CNTN4: variants seen among roughly 807,000 people sequenced by gnomAD.
CNTN4 encodes contactin 4, also known as contactin-4.
A neutral mutation model predicts 122.5 loss-of-function variants in CNTN4; 77 were observed. The ratio of observed to expected loss-of-function variants is 0.63; its 90% CI spans 0.52 to 0.76. The LOEUF (loss-of-function observed/expected upper bound fraction) is 0.76, where lower values mean the gene tolerates loss of function less well. Ranked by LOEUF, CNTN4 falls within the 30% of genes least tolerant of loss-of-function variation. The pLI is 0.00. For missense variants in CNTN4, 1,256 were observed against 1,259.1 expected (o/e 1.00, Z 0.04); for synonymous variants, 512 against 447.0 (o/e 1.15, Z -1.83).
chr3:2,644,994 A>G (rs1249894830), intron 4 of CNTN4, among the ~76,000 whole-genome samples: 2 of 151,606 alleles, frequency 1.3e-5, no homozygotes, highest in Non-Finnish European at 1.5e-5. Flanking sequence ...AAGAAAAAAA[A>G]TTTAAAGATG....
At chr3:2,573,482 TAGAGTTTTAACTTCTCATA>T (rs1330251329) in intron 4 of CNTN4, among the ~76,000 whole-genome samples, 1 of 152,208 alleles carries the variant, frequency 6.6e-6, no homozygotes, top group Non-Finnish European at 1.5e-5. Context: ...ACTGACACTT[TAGAGTTTTAACTTCTCATA>T]ATGACTCTGG....
chr3:2,153,612 C>T (rs950297345), intron 2 of CNTN4, among the ~76,000 whole-genome samples: 1 of 152,132 alleles, frequency 6.6e-6, no homozygotes, highest in African/African-American at 2.4e-5. Context: ...AAACAATGGC[C>T]TCCTCACAAA....
chr3:2,956,616 TTTAA>T (rs1376764533), intron 13 of CNTN4, among the ~76,000 whole-genome samples: 15 of 152,128 alleles, frequency 9.9e-5, no homozygotes, highest in African/African-American at 3.6e-4. Flanking sequence ...TTTTTAATTA[TTTAA>T]TTGATAAAAA....
chr3:2,201,650 C>A (rs1373775422), intron 2 of CNTN4, among the ~76,000 whole-genome samples: 3 of 152,138 alleles, frequency 2.0e-5, no homozygotes, highest in African/African-American at 7.2e-5. Context: ...GTCCAGCAGG[C>A]AGCTAGAAGT....
At chr3:2,607,989 T>C (rs2081330880) in intron 4 of CNTN4, among the ~76,000 whole-genome samples, 1 of 152,226 alleles carries the variant, frequency 6.6e-6, no homozygotes, top group African/African-American at 2.4e-5. Context: ...CATCATAAAA[T>C]TCTTTTTTCC....
intron 7 of CNTN4, among the ~76,000 whole-genome samples, chr3:2,826,836 A>G (rs1175923662): frequency 6.6e-6 from 1 of 152,130 alleles, no homozygotes; most frequent in African/African-American, 2.4e-5. Flanking sequence ...CTAACTCCAC[A>G]TTCAATACCT....
chr3:2,485,659 G>A (rs563219563), intron 3 of CNTN4, among the ~76,000 whole-genome samples: 1 of 152,222 alleles, frequency 6.6e-6, no homozygotes, highest in East Asian at 1.9e-4. Flanking sequence ...CTAAGGGATT[G>A]TAAATACACC....
chr3:2,528,726 C>G (rs980457626), intron 3 of CNTN4, among the ~76,000 whole-genome samples: 1 of 151,820 alleles, frequency 6.6e-6, no homozygotes, highest in Non-Finnish European at 1.5e-5. Flanking sequence ...AGGTTTTTTT[C>G]AATATTAGCC....
chr3:2,164,443 A>G (rs1299947508), intron 2 of CNTN4, among the ~76,000 whole-genome samples: 1 of 152,198 alleles, frequency 6.6e-6, no homozygotes, highest in Non-Finnish European at 1.5e-5. Context: ...TAGAGAACAG[A>G]TGAGAGGAAG....
chr3:2,918,342 A>C (rs1056538487), intron 12 of CNTN4, among the ~76,000 whole-genome samples: 3 of 152,202 alleles, frequency 2.0e-5, no homozygotes, highest in African/African-American at 7.2e-5. Flanking sequence ...TTACCTTCTC[A>C]GTCCTGGGTC....
chr3:2,461,517 G>A (rs2049209093), intron 3 of CNTN4, among the ~76,000 whole-genome samples: 2 of 152,110 alleles, frequency 1.3e-5, no homozygotes, highest in African/African-American at 4.8e-5. Context: ...TAGATCCAGG[G>A]CTCCCACCCA....
intron 3 of CNTN4, among the ~76,000 whole-genome samples, chr3:2,403,584 T>G (rs2046933323): frequency 6.6e-6 from 1 of 152,166 alleles, no homozygotes; most frequent in Admixed American, 6.6e-5. Flanking sequence ...TAAATCACTC[T>G]TAGTAAATTA....
At position 2,744,232 on chromosome 3, in the gene CNTN4, T is replaced by G. The variant is rs185866331; in HGVS notation, c.183-1290T>G. ...ACAAAAAGAAGGGATTACCCTTCTGTATATTTGCTTTTGTTGATACCAGAC... is the reference window on the plus strand; with the variant it reads ...ACAAAAAGAAGGGATTACCCTTCTGGATATTTGCTTTTGTTGATACCAGAC... On this transcript the variant is annotated intron_variant, in intron 5 of 24. Transcript: ENST00000418658. Among the ~76,000 whole-genome samples the G allele has an allele frequency of 1.6e-3, 246 of 152,352 alleles. 1 individual carries two copies. The highest frequency in any genetic ancestry group is 5.4e-3 in the South Asian group (26 of 4,828).
At chr3:2,372,918 T>C (rs2045684481) in intron 3 of CNTN4, among the ~76,000 whole-genome samples, 1 of 152,012 alleles carries the variant, frequency 6.6e-6, no homozygotes, top group Admixed American at 6.6e-5. Flanking sequence ...CATGGTGGCG[T>C]GCACCTGTAG....
intron 3 of CNTN4, among the ~76,000 whole-genome samples, chr3:2,430,943 G>T (rs2048046141): frequency 6.6e-6 from 1 of 152,106 alleles, no homozygotes; most frequent in South Asian, 2.1e-4. Context: ...AATGCTAAGT[G>T]TCTCACATAT....
intron 2 of CNTN4, among the ~76,000 whole-genome samples, chr3:2,188,291 G>T (rs536077480): frequency 2.2e-4 from 33 of 152,272 alleles, no homozygotes; most frequent in African/African-American, 6.7e-4. Flanking sequence ...GGCTGCATCA[G>T]CAAGAGTCCC....
intron 4 of CNTN4, among the ~76,000 whole-genome samples, chr3:2,655,301 A>T (rs574607957): frequency 6.6e-6 from 1 of 152,320 alleles, no homozygotes; most frequent in South Asian, 2.1e-4. Context: ...TGTCTGTTAA[A>T]GAATTTGTGT....
intron 23 of CNTN4, among the ~76,000 whole-genome samples, chr3:3,051,283 A>G (rs1308151565): frequency 6.6e-6 from 1 of 152,166 alleles, no homozygotes; most frequent in Admixed American, 6.5e-5. Context: ...ACCCTAGATT[A>G]TATCAAATGC....
rs1701532810 is a variant in CNTN4, at chr3:3,053,991, T to C, written c.2980+16T>C. ...AAGATATCAAGTGAGAATGCCTTTTTTTCTCCCTTTTCTCCTGCCTGTCTT... is the reference window on the plus strand; with the variant it reads ...AAGATATCAAGTGAGAATGCCTTTTCTTCTCCCTTTTCTCCTGCCTGTCTT... On this transcript the variant is annotated intron_variant, in intron 24 of 24. Coordinates refer to ENST00000418658, the MANE Select transcript of CNTN4 (RefSeq NM_175607.3). 6.2e-7 allele frequency: 1 copy of C among 1,612,900 alleles called. No homozygotes were observed.
Sources: gnomAD v4.1 joint callset for allele counts (sites outside exome capture counted in the v4.1 genomes callset) on GRCh38, gnomAD v4.1.1 for gene constraint, MANE v1.5 for transcripts, NCBI Gene and HGNC (gene_info 2026-07-23, HGNC 2026-07-21) for gene names.